TET1: variants seen among roughly 807,000 people sequenced by gnomAD.
TET1 encodes methylcytosine dioxygenase TET1.
TET1 carries 13 observed loss-of-function variants against 148.7 expected under a neutral mutation model. The ratio of observed to expected loss-of-function variants is 0.09; its 90% CI spans 0.06 to 0.14. The LOEUF (loss-of-function observed/expected upper bound fraction) is 0.14. TET1 is among the 10% of genes least tolerant of loss of function. TET1 has a pLI of 1.00. For missense variants in TET1, 2,182 were observed against 2,553.8 expected (o/e 0.85, Z 3.14); for synonymous variants, 907 against 937.2 (o/e 0.97, Z 0.59).
At chr10:68,594,492 G>A (rs1053816089) in intron 2 of TET1, among the ~76,000 whole-genome samples, 7 of 152,126 alleles carry the variant, frequency 4.6e-5, no homozygotes, top group African/African-American at 1.7e-4. Flanking sequence ...TGGCCCCTTG[G>A]GAGAGTGGGG....
rs991522443 is a variant in TET1 at position 68,693,011 on chromosome 10, C to G, written c.*1197C>G. The G allele has an allele frequency of 4.3e-6, 1 of 230,356 alleles. No homozygotes were observed. Among genetic ancestry groups the G allele is most frequent in the Non-Finnish European group, 8.5e-6 (1 of 116,988 alleles). 14.3% of individuals were successfully genotyped at this position (230,356 alleles called of 1,614,324 possible). ...CTATCATCACATGCCTCCCCAACCCCAAGTCAAAAACAAGAGGAATGGTAC... is the reference window on the plus strand; with the variant it reads ...CTATCATCACATGCCTCCCCAACCCGAAGTCAAAAACAAGAGGAATGGTAC... On this transcript the variant is annotated 3_prime_UTR_variant, in exon 12 of 12. Transcript: ENST00000373644.
rs2054087691 is a variant in TET1 at position 68,603,754 on chromosome 10, G to A, written c.1968+2720G>A. ...TGAGCTATATGCACTCCAGCCTCAG[G>A]AATAGAATGAGACCTTGTCTCCCAC... On this transcript the variant is annotated intron_variant, in intron 3 of 11. Transcript: ENST00000373644. 2.6e-5 allele frequency among the ~76,000 whole-genome samples: 4 copies of A among 152,116 alleles called. No homozygotes were observed. The South Asian group carries it at 8.3e-4, about 32-fold the overall frequency.
chr10:68,673,935 C>CTTTTTTT (rs11381293), intron 8 of TET1, among the ~76,000 whole-genome samples: 163 of 119,988 alleles, frequency 1.4e-3, no homozygotes, highest in South Asian at 2.0e-3. Context: ...CTTTCTTTTT[C>CTTTTTTT]TTTTTTTTTT....
chr10:68,673,935 C>CTTTTTTTTTTTTTTTTT (rs11381293), intron 8 of TET1, among the ~76,000 whole-genome samples: 1 of 120,276 alleles, frequency 8.3e-6, no homozygotes, highest in Non-Finnish European at 1.7e-5. Flanking sequence ...CTTTCTTTTT[C>CTTTTTTTTTTTTTTTTT]TTTTTTTTTT....
chr10:68,657,585 A>G lies in TET1; in HGVS notation c.4461+4991A>G, dbSNP rs2055044345. ...GAAGAGGAGGTTGCAGTGAGCCATT[A>G]TTGGGCCACTACACTCTAGCCTGAG... is the stretch of plus-strand genomic sequence containing the variant. On this transcript the variant is annotated intron_variant, in intron 6 of 11. Transcript: ENST00000373644. Among the ~76,000 whole-genome samples the G allele has an allele frequency of 2.6e-5, 4 of 152,180 alleles. No homozygotes were observed. In the South Asian group the frequency reaches 8.3e-4, roughly 31 times the overall value.
intron 6 of TET1, among the ~76,000 whole-genome samples, chr10:68,661,423 A>G (rs3998858): frequency 0.18 from 27,458 of 151,466 alleles, 3,077 homozygotes; most frequent in African/African-American, 0.31. Context: ...AGCCATTACA[A>G]TTTTATCCTG....
chr10:68,572,385 A>G lies in TET1; in HGVS notation c.47A>G (p.Glu16Gly). 1 of 1,610,546 alleles carries G rather than the reference A, an allele frequency of 6.2e-7. No homozygotes were observed. The highest frequency in any genetic ancestry group is 8.5e-7 in the Non-Finnish European group (1 of 1,179,222). ...HARPSRLVRK[E>G]DVNKKKKNSQ... ...AGGCCTTCCAGATTAGTCAGGAAGG[A>G]AGATGTAAACAAAAAAAAGAAAAAC... The change falls in exon 2 of 12, where the codon GAA becomes GGA. Residue 16 changes from glutamate to glycine, a missense_variant. Transcript: ENST00000373644.
intron 8 of TET1, among the ~76,000 whole-genome samples, chr10:68,680,181 A>G (rs531861534): frequency 1.3e-5 from 2 of 152,354 alleles, no homozygotes; most frequent in African/African-American, 4.8e-5. Context: ...TGTCTAAATT[A>G]TTGTGTAGCT....
rs774907881 is a variant in TET1 at position 68,691,559 on chromosome 10, A to G, written c.6156A>G (p.Lys2052=). The G allele has an allele frequency of 1.2e-6, 2 of 1,614,052 alleles. No individual in the cohort carries two copies. Among genetic ancestry groups the G allele is most frequent in the Admixed American group, 3.3e-5 (2 of 59,998 alleles). The part of the protein sequence containing the change: ...TRLSLVFYQH[K]NLNKPQHGFE... ...TCTCCCTTGTCTTTTACCAGCACAA[A>G]AACCTAAATAAGCCCCAACATGGTT... The change falls in exon 12 of 12, where the codon AAA becomes AAG. Residue 2052 remains lysine (K), a synonymous_variant. Coordinates refer to ENST00000373644, the MANE Select transcript of TET1 (RefSeq NM_030625.3). The surrounding 1 kb of genome is among the most constrained non-coding windows in gnomAD (Gnocchi z 4.4).
intron 3 of TET1, among the ~76,000 whole-genome samples, chr10:68,636,981 T>TTGTG (rs1554940595): frequency 9.8e-6 from 1 of 102,360 alleles, no homozygotes; most frequent in African/African-American, 2.9e-5. Context: ...ATTTTACTCG[T>TTGTG]TGTGTGTGTG....
At chr10:68,682,438 A>G (rs1386143677) in intron 9 of TET1, among the ~76,000 whole-genome samples, 3 of 152,186 alleles carry the variant, frequency 2.0e-5, no homozygotes, top group Non-Finnish European at 4.4e-5. Context: ...AAAAGGAGTT[A>G]CAAATTGACT....
chr10:68,654,298 A>C (rs2054987707), intron 6 of TET1, among the ~76,000 whole-genome samples: 1 of 151,938 alleles, frequency 6.6e-6, no homozygotes, highest in African/African-American at 2.4e-5. Context: ...TCCAGTAAAA[A>C]AAATCTAAGC....
rs557925693 is a variant in TET1 at position 68,563,421 on chromosome 10, A to G, written c.-123+2679A>G. Among the ~76,000 whole-genome samples, 7 of 152,364 alleles carry G rather than the reference A, an allele frequency of 4.6e-5. No individual in the cohort carries two copies. The South Asian group carries it at 1.4e-3, about 32-fold the overall frequency. ...TTTTAAATCTTGTTTTTCTCTGCCA[A>G]GTGCAAGAGCCTTTAAGTTCTGTAG... is the stretch of plus-strand genomic sequence containing the variant. On this transcript the variant is annotated intron_variant, in intron 1 of 11. Transcript: ENST00000373644.
At chr10:68,654,896 C>T (rs2054999486) in intron 6 of TET1, among the ~76,000 whole-genome samples, 1 of 152,218 alleles carries the variant, frequency 6.6e-6, no homozygotes, top group South Asian at 2.1e-4. Context: ...CACTTCCAAG[C>T]TCCCTTACAG....
intron 3 of TET1, among the ~76,000 whole-genome samples, chr10:68,610,612 T>C (rs750743338): frequency 3.3e-5 from 5 of 151,972 alleles, no homozygotes; most frequent in Non-Finnish European, 7.4e-5. Context: ...AACACAAAAA[T>C]AAAAAATATG....
chr10:68,624,602 CTCTTTCTTTCTTTCTTTCTTTCTT>C (rs771481993), intron 3 of TET1, among the ~76,000 whole-genome samples: 54 of 113,952 alleles, frequency 4.7e-4, no homozygotes, highest in East Asian at 2.0e-3. Flanking sequence ...TTTTCTTTTT[CTCTTTCTTTCTTTCTTTCTTTCTT>C]TCTTTCTTTC....
intron 2 of TET1, among the ~76,000 whole-genome samples, chr10:68,581,011 C>T (rs1039639998): frequency 1.1e-4 from 17 of 151,986 alleles, no homozygotes; most frequent in Non-Finnish European, 1.9e-4. Context: ...AATTTATTCT[C>T]GTTTGAAGGT....
At chr10:68,611,861 GGAGAGAGAGAGA>G (rs756555621) in intron 3 of TET1, among the ~76,000 whole-genome samples, 1 of 88,806 alleles carries the variant, frequency 1.1e-5, no homozygotes, top group Non-Finnish European at 2.5e-5. Flanking sequence ...GGGGAGAGAG[GGAGAGAGAGAGA>G]GAGAGAGGGA....
At chr10:68,682,653 A>G (rs897205068) in intron 9 of TET1, among the ~76,000 whole-genome samples, 183 bp from the exon 10 acceptor site, 1 of 152,152 alleles carries the variant, frequency 6.6e-6, no homozygotes, top group East Asian at 1.9e-4. Context: ...TACTCCATGT[A>G]TTGTCAAGTG....
Sources: gnomAD v4.1 joint callset for allele counts (sites outside exome capture counted in the v4.1 genomes callset) on GRCh38, gnomAD v4.1.1 for gene constraint, Gnocchi (gnomAD v3.1) non-coding constraint, MANE v1.5 for transcripts, NCBI Gene and HGNC (gene_info 2026-07-23, HGNC 2026-07-21) for gene names.